TMTC2: variants seen among roughly 807,000 people sequenced by gnomAD.
TMTC2 encodes the protein protein O-mannosyl-transferase TMTC2.
A neutral mutation model predicts 82.4 loss-of-function variants in TMTC2; 43 were observed. That is an observed-to-expected ratio of 0.52 (90% confidence interval 0.41 to 0.67). The LOEUF (loss-of-function observed/expected upper bound fraction) is 0.67. TMTC2 is among the 30% of genes least tolerant of loss of function. The pLI is 0.00. For synonymous variants in TMTC2, 408 were observed against 381.9 expected (o/e 1.07, Z -0.80); for missense variants, 919 against 1,012.4 (o/e 0.91, Z 1.25).
At chr12:83,100,691 T>G (rs1165222172) in intron 11 of TMTC2, among the ~76,000 whole-genome samples, 1 of 152,160 alleles carries the variant, frequency 6.6e-6, no homozygotes, top group Non-Finnish European at 1.5e-5. Context: ...ATAAAACAGC[T>G]TGGGAGAAGT....
At chr12:82,980,951 T>C (rs975749251) in intron 7 of TMTC2, among the ~76,000 whole-genome samples, 5 of 151,920 alleles carry the variant, frequency 3.3e-5, no homozygotes, top group African/African-American at 1.2e-4. Flanking sequence ...TTGTTTCATT[T>C]GCACCTACAA....
At chr12:82,690,902 G>A (rs867740029) in intron 1 of TMTC2, among the ~76,000 whole-genome samples, 2 of 150,110 alleles carry the variant, frequency 1.3e-5, no homozygotes, top group African/African-American at 5.1e-5. Flanking sequence ...GCATTCTTAC[G>A]CATTTGTTGA....
chr12:82,985,121 C>T (rs528681657), intron 7 of TMTC2, among the ~76,000 whole-genome samples: 18 of 152,106 alleles, frequency 1.2e-4, no homozygotes, highest in African/African-American at 3.9e-4. Flanking sequence ...TGCAGTCGTG[C>T]GATCAGGGCT....
intron 7 of TMTC2, among the ~76,000 whole-genome samples, chr12:82,975,900 A>T (rs114836168): frequency 0.7 from 101,723 of 146,030 alleles, 36,221 homozygotes; most frequent in South Asian, 0.8. Context: ...TTTTTTTTAA[A>T]AAAAAAATAA....
chr12:82,810,014 G>A (rs1879418637), intron 1 of TMTC2, among the ~76,000 whole-genome samples: 1 of 152,056 alleles, frequency 6.6e-6, no homozygotes. Context: ...GAGCTGAAAT[G>A]CTGAGAATTT....
intron 1 of TMTC2, among the ~76,000 whole-genome samples, chr12:82,850,924 C>T (rs866228118): frequency 5.3e-5 from 8 of 151,174 alleles, no homozygotes; most frequent in Middle Eastern, 3.6e-3. Flanking sequence ...ATTAGCTGGG[C>T]GTGGTGGCGT....
intron 1 of TMTC2, among the ~76,000 whole-genome samples, chr12:82,753,076 T>C (rs1284034357): frequency 6.6e-6 from 1 of 152,146 alleles, no homozygotes; most frequent in Non-Finnish European, 1.5e-5. Flanking sequence ...TAGAAATATA[T>C]ACCCTGTTGA....
intron 8 of TMTC2, among the ~76,000 whole-genome samples, chr12:83,009,455 GA>G (rs145281618): frequency 0.018 from 2,711 of 152,192 alleles, 70 homozygotes; most frequent in African/African-American, 0.061. Context: ...TTCTGCGTCA[GA>G]AAAGCAGGTC....
intron 1 of TMTC2, among the ~76,000 whole-genome samples, chr12:82,697,041 G>C (rs1247344860): frequency 6.6e-6 from 1 of 150,534 alleles, no homozygotes; most frequent in Admixed American, 6.7e-5. Flanking sequence ...AACACATATG[G>C]ACTTGTTAAA....
chr12:83,127,517 C>T (rs1885132179), intron 11 of TMTC2, among the ~76,000 whole-genome samples: 1 of 152,042 alleles, frequency 6.6e-6, no homozygotes, highest in Non-Finnish European at 1.5e-5. Context: ...ACGCTTTTCT[C>T]TTTTGTTTTC....
At chr12:83,126,455 C>G (rs560030729) in intron 11 of TMTC2, among the ~76,000 whole-genome samples, 1 of 152,048 alleles carries the variant, frequency 6.6e-6, no homozygotes. Context: ...TTTAGTCATA[C>G]GTTTCTTTAT....
At chr12:82,889,596 G>A (rs541810103) in intron 2 of TMTC2, among the ~76,000 whole-genome samples, 17 of 151,952 alleles carry the variant, frequency 1.1e-4, no homozygotes, top group African/African-American at 4.1e-4. Flanking sequence ...TCGTACATAC[G>A]TAAGCATTTG....
intron 8 of TMTC2, among the ~76,000 whole-genome samples, chr12:83,021,631 A>C (rs1000192384): frequency 2.0e-5 from 3 of 151,302 alleles, no homozygotes; most frequent in African/African-American, 7.3e-5. Flanking sequence ...GTCATCTTTG[A>C]CTCTTCTTTT....
chr12:82,934,019 TAGC>T (rs1416220241), intron 4 of TMTC2, among the ~76,000 whole-genome samples: 1 of 152,184 alleles, frequency 6.6e-6, no homozygotes, highest in African/African-American at 2.4e-5. Context: ...TTTTCTTTAG[TAGC>T]AGTAGCTTCA....
At chr12:82,760,101 T>C (rs560358213) in intron 1 of TMTC2, 11 of 152,314 alleles carry the variant, frequency 7.2e-5, no homozygotes, top group African/African-American at 9.6e-5. Context: ...TCGTCCAAAG[T>C]TGGGTCTCAG....
intron 3 of TMTC2, among the ~76,000 whole-genome samples, chr12:82,912,047 C>G (rs1389463303): frequency 1.3e-5 from 2 of 152,202 alleles, no homozygotes; most frequent in African/African-American, 4.8e-5. Context: ...CCAGCTGCCT[C>G]TCAGCCCATT....
intron 1 of TMTC2, chr12:82,760,280 TC>T (rs1876542743): frequency 6.6e-6 from 1 of 152,066 alleles, no homozygotes; most frequent in African/African-American, 2.4e-5. Flanking sequence ...TTAAGCATCA[TC>T]CTGGAAATTT....
Position 82,881,434 on chromosome 12 carries a change from G to T in TMTC2, c.655-14384G>T, listed in dbSNP as rs1355039252. 2.6e-5 allele frequency among the ~76,000 whole-genome samples: 4 copies of T among 152,248 alleles called. 1 individual carries two copies. The highest frequency in any genetic ancestry group is 6.8e-3 in the Middle Eastern group (2 of 294). ...CAAATTTCACATTAAAAGAGGGAAA[G>T]AAATAAATTAGAGCGATTACAATTA... On this transcript the variant is annotated intron_variant, in intron 2 of 11. Transcript: ENST00000321196.
intron 5 of TMTC2, 118 bp from the exon 6 acceptor site, chr12:82,965,442 A>AT (rs983436911): frequency 1.1e-5 from 11 of 1,044,006 alleles, no homozygotes; most frequent in Admixed American, 2.6e-5. Context: ...TGTCATAAGT[A>AT]TTTTTTTCTT....
Sources: allele counts gnomAD v4.1 joint callset (sites outside exome capture counted in the v4.1 genomes callset), GRCh38; gene constraint gnomAD v4.1.1; transcripts MANE v1.5; gene names NCBI Gene and HGNC (gene_info 2026-07-23, HGNC 2026-07-21).